RNLS: variants seen among roughly 807,000 people sequenced by gnomAD.
RNLS encodes the protein renalase.
In RNLS, 39 loss-of-function variants were observed where a neutral mutation model predicts 39.8. That is an observed-to-expected ratio of 0.98 (90% CI 0.76 to 1.28). The LOEUF is 1.28. Ranked by LOEUF, RNLS falls within the 50% of genes most tolerant of loss-of-function variation. RNLS has a pLI of 0.00. For missense variants in RNLS, 410 were observed against 413.3 expected (o/e 0.99, Z 0.07); for synonymous variants, 147 against 150.7 (o/e 0.98, Z 0.18).
chr10:88,221,279 T>C, the RNLS span, among the ~76,000 whole-genome samples: 5 of 152,208 alleles, frequency 3.3e-5, no homozygotes, highest in African/African-American at 4.8e-5. Context: ...TGCCTTTCAT[T>C]TTGTCAAGTT....
intron 6 of RNLS, among the ~76,000 whole-genome samples, chr10:88,294,934 C>T (rs1186296698): frequency 6.6e-6 from 1 of 151,902 alleles, no homozygotes; most frequent in Non-Finnish European, 1.5e-5. Flanking sequence ...CCGCCCCCAC[C>T]CTCCAAATAA....
chr10:88,256,477 C>T, the RNLS span, among the ~76,000 whole-genome samples: 4 of 152,196 alleles, frequency 2.6e-5, no homozygotes, highest in African/African-American at 9.7e-5. Flanking sequence ...TTAAGGTCGG[C>T]GGGAACTCGG....
At chr10:88,489,529 G>A (rs1844763558) in intron 4 of RNLS, among the ~76,000 whole-genome samples, 1 of 152,186 alleles carries the variant, frequency 6.6e-6, no homozygotes, top group African/African-American at 2.4e-5. Context: ...TGTTCCCTTT[G>A]TGTAAACAAA....
intron 4 of RNLS, among the ~76,000 whole-genome samples, chr10:88,562,769 G>T (rs972630935): frequency 1.1e-4 from 16 of 151,722 alleles, no homozygotes; most frequent in Non-Finnish European, 1.9e-4. Flanking sequence ...TCTATCAAAA[G>T]AAAAAAATAA....
chr10:88,343,649 T>C (rs944438410), intron 5 of RNLS: 7 of 985,276 alleles, frequency 7.1e-6, no homozygotes, highest in African/African-American at 1.7e-5. Context: ...CCATAGATTC[T>C]GTCCATTCAA....
intron 4 of RNLS, among the ~76,000 whole-genome samples, chr10:88,381,375 G>T (rs75725418): frequency 0.012 from 1,820 of 150,570 alleles, 42 homozygotes; most frequent in African/African-American, 0.042. Flanking sequence ...TAGGTAGTCT[G>T]TTGTTTTCGT....
At chr10:88,199,758 C>T in the RNLS span, among the ~76,000 whole-genome samples, 2 of 152,112 alleles carry the variant, frequency 1.3e-5, no homozygotes, top group Non-Finnish European at 2.9e-5. Context: ...TCTAGATGAC[C>T]TAAACAAGAC....
intron 4 of RNLS, among the ~76,000 whole-genome samples, chr10:88,500,133 A>G (rs1845393336): frequency 6.6e-6 from 1 of 152,136 alleles, no homozygotes; most frequent in Non-Finnish European, 1.5e-5. Context: ...ATGTCAATGC[A>G]CCAAACGGAA....
At chr10:88,547,564 A>C (rs1454463340) in intron 4 of RNLS, among the ~76,000 whole-genome samples, 1 of 152,172 alleles carries the variant, frequency 6.6e-6, no homozygotes, top group Non-Finnish European at 1.5e-5. Context: ...TAGGATATAA[A>C]TCTTCTTTGA....
intron 4 of RNLS, among the ~76,000 whole-genome samples, chr10:88,378,166 A>ATACT (rs749244348): frequency 1.3e-5 from 2 of 152,160 alleles, no homozygotes; most frequent in Non-Finnish European, 2.9e-5. Context: ...TTCTTTAGGA[A>ATACT]TACTTACTGA....
the RNLS span, among the ~76,000 whole-genome samples, chr10:88,243,194 T>C: frequency 1.3e-5 from 2 of 152,246 alleles, no homozygotes; most frequent in East Asian, 3.8e-4. Context: ...TTAACTTGCA[T>C]GCTAGGAAAT....
intron 5 of RNLS, among the ~76,000 whole-genome samples, chr10:88,361,727 A>G (rs371247649): frequency 6.6e-6 from 1 of 152,226 alleles, no homozygotes; most frequent in East Asian, 1.9e-4. Flanking sequence ...GATTTTATCA[A>G]GCCAGACTTC....
intron 4 of RNLS, among the ~76,000 whole-genome samples, chr10:88,546,296 G>A (rs1225326951): frequency 6.6e-6 from 1 of 151,868 alleles, no homozygotes; most frequent in Non-Finnish European, 1.5e-5. Flanking sequence ...AAGTCATTTT[G>A]TAAATGTAAG....
At chr10:88,573,094 C>G in intron 3 of RNLS, 33 bp from the exon 4 acceptor site, 1 of 1,605,786 alleles carries the variant, frequency 6.2e-7, no homozygotes. Context: ...TCCCCATTAT[C>G]AGAATTGCAT....
chr10:88,535,888 C>T (rs1202740730), intron 4 of RNLS, among the ~76,000 whole-genome samples: 1 of 151,902 alleles, frequency 6.6e-6, no homozygotes, highest in Non-Finnish European at 1.5e-5. Context: ...AATAAGATGA[C>T]TTAAAGGCTA....
chr10:88,251,340 A>G, the RNLS span, among the ~76,000 whole-genome samples: 1 of 152,236 alleles, frequency 6.6e-6, no homozygotes, highest in Admixed American at 6.5e-5. Context: ...TGTACATAAA[A>G]TTTATATGTG....
chr10:88,404,600 C>T (rs1853146195), intron 4 of RNLS, among the ~76,000 whole-genome samples: 1 of 151,990 alleles, frequency 6.6e-6, no homozygotes. Flanking sequence ...GAAAACATGG[C>T]TTAAGTTTGA....
In RNLS at chr10:88,532,702, G is replaced by C. The variant is rs562057186; in HGVS notation, c.526+40201C>G. Among the ~76,000 whole-genome samples the C allele has an allele frequency of 5.5e-4, 83 of 152,076 alleles. 1 individual carries two copies. The highest frequency in any genetic ancestry group is 1.8e-3 in the African/African-American group (76 of 41,520). On this transcript the variant is annotated intron_variant, in intron 4 of 6. Transcript: ENST00000331772. Reference sequence around the variant, plus strand: ...AAGGATAAAGTGTTAGATAATCACAGAGAGTTCTGCAGATTGTCTAATAAT... The same window carrying C: ...AAGGATAAAGTGTTAGATAATCACACAGAGTTCTGCAGATTGTCTAATAAT...
At chr10:88,405,230 A>G (rs1020319653) in intron 4 of RNLS, among the ~76,000 whole-genome samples, 2 of 152,050 alleles carry the variant, frequency 1.3e-5, no homozygotes, top group Non-Finnish European at 2.9e-5. Context: ...TGGTGCAGAT[A>G]CAATTCTGGC....
Sources: gnomAD v4.1 joint callset for allele counts (sites outside exome capture counted in the v4.1 genomes callset) on GRCh38, gnomAD v4.1.1 for gene constraint, MANE v1.5 for transcripts, NCBI Gene and HGNC (gene_info 2026-07-23, HGNC 2026-07-21) for gene names.